Variants in FEZ1 observed in about 807,000 individuals in gnomAD.
FEZ1 encodes the protein fasciculation and elongation protein zeta 1.
FEZ1 carries 20 observed loss-of-function variants against 49.3 expected under a neutral mutation model. That is an observed-to-expected ratio of 0.41 (90% CI 0.29 to 0.59). The LOEUF is 0.59. Among genes scored for constraint, FEZ1 ranks in the 20% least tolerant of loss-of-function variants. FEZ1 has a pLI of 0.36. For missense variants in FEZ1, 413 were observed against 476.0 expected, an observed-to-expected ratio of 0.87 and a Z score of 1.23; for synonymous variants, 170 against 180.9, an observed-to-expected ratio of 0.94 and a Z score of 0.48.
At chr11:125,475,324 C>T (rs1477085522) in intron 3 of FEZ1, among the ~76,000 whole-genome samples, 3 of 148,570 alleles carry the variant, frequency 2.0e-5, no homozygotes, top group East Asian at 4.1e-4. Context: ...TGTAAATAAT[C>T]ACTTGAAAAG....
intron 5 of FEZ1, among the ~76,000 whole-genome samples, chr11:125,456,947 G>C (rs947603993): frequency 1.3e-5 from 2 of 152,042 alleles, no homozygotes; most frequent in African/African-American, 4.8e-5. Context: ...ATATTGGAAG[G>C]CTGCGATGTG....
chr11:125,456,128 C>T lies in FEZ1; in HGVS notation c.668-22G>A, dbSNP rs367671383. On this transcript the variant is annotated intron_variant, in intron 5 of 9. Coordinates refer to ENST00000278919, the MANE Select transcript of FEZ1 (RefSeq NM_005103.5). The stretch of plus-strand genomic sequence containing the variant: ...AGCCCTGCAGGGGAAGACCGTCTCC[C>T]GCATAACACCTGCATCCACACCAGA... 33 of 1,556,596 alleles carry T rather than the reference C, an allele frequency of 2.1e-5. No homozygotes were observed. In the Admixed American group the frequency reaches 5.3e-4, roughly 25 times the overall value.
At chr11:125,454,624 T>C (rs1956990030) in intron 6 of FEZ1, among the ~76,000 whole-genome samples, 1 of 152,082 alleles carries the variant, frequency 6.6e-6, no homozygotes, top group Non-Finnish European at 1.5e-5. Context: ...TTTCAAAATG[T>C]ACATGCGGAG....
Position 125,480,293 on chromosome 11 carries a change from G to A in FEZ1, c.411+1241C>T, listed in dbSNP as rs565566610. 7.2e-5 allele frequency among the ~76,000 whole-genome samples: 11 copies of A among 152,242 alleles called. No homozygotes were observed. In the South Asian group the frequency reaches 1.5e-3, roughly 20 times the overall value. On this transcript the variant is annotated intron_variant, in intron 3 of 9. Transcript: ENST00000278919. ...CGGGGAGGGGGTGGTGGGTAAGGCT[G>A]GAGGATCACTTGAGCCCAGGAGGTC... is the stretch of plus-strand genomic sequence containing the variant.
In FEZ1 at chr11:125,489,102, A is replaced by C; in HGVS notation, c.311+365T>G. 1 of 949,614 alleles carries C rather than the reference A, an allele frequency of 1.1e-6. No homozygotes were observed. The highest frequency in any genetic ancestry group is 1.3e-6 in the Non-Finnish European group (1 of 795,480). The allele number at this position is 949,614 out of a possible 1,614,324, so 58.8% of individuals were successfully genotyped here. ...GAAGCAAATTAGTCCAATAACATAG[A>C]TTCATCCATCATGGTTAATTAATTT... On this transcript the variant is annotated intron_variant, in intron 2 of 9. Coordinates refer to ENST00000278919, the MANE Select transcript of FEZ1 (RefSeq NM_005103.5). This position sits in a 1 kb window ranked among gnomAD's most constrained non-coding sequence, Gnocchi z 4.2.
chr11:125,491,523 T>TCTC (rs933248269), intron 1 of FEZ1, among the ~76,000 whole-genome samples: 42 of 151,972 alleles, frequency 2.8e-4, no homozygotes, highest in African/African-American at 1.0e-3. Context: ...ATCATACCCT[T>TCTC]CTCTACACGC....
Position 125,495,643 on chromosome 11 carries a change from T to C in FEZ1, c.-46+478A>G, listed in dbSNP as rs999909893. The C allele has an allele frequency of 1.4e-5, 6 of 439,798 alleles. No individual in the cohort carries two copies. The highest frequency in any genetic ancestry group is 7.6e-5 in the Admixed American group (3 of 39,516). The allele number at this position is 439,798 out of a possible 1,614,324, so 27.2% of individuals were successfully genotyped here. A position where few individuals can be genotyped will look rare whatever the true frequency, so the allele number is the denominator to read the frequency against. ...AAGTTTTTAGGGACAAAGATGATCT[T>C]GGGGCGTTTACGGTGACTGGACCAG... On this transcript the variant is annotated intron_variant, in intron 1 of 9. Coordinates refer to ENST00000278919, the MANE Select transcript of FEZ1 (RefSeq NM_005103.5). The surrounding 1 kb of genome is among the most constrained non-coding windows in gnomAD (Gnocchi z 4.2).
At chr11:125,455,080 A>T (rs1591581849) in intron 6 of FEZ1, among the ~76,000 whole-genome samples, 1 of 151,482 alleles carries the variant, frequency 6.6e-6, no homozygotes, top group Non-Finnish European at 1.5e-5. Context: ...AAACCCAAAA[A>T]TAGAACAATA....
chr11:125,479,168 T>C (rs1441229096), intron 3 of FEZ1, among the ~76,000 whole-genome samples: 1 of 152,216 alleles, frequency 6.6e-6, no homozygotes, highest in Non-Finnish European at 1.5e-5. Context: ...CAATGAAGCC[T>C]TGAGGTTTTG....
intron 9 of FEZ1, among the ~76,000 whole-genome samples, chr11:125,446,628 G>A (rs28593289): frequency 0.15 from 21,442 of 145,838 alleles, 1,630 homozygotes; most frequent in East Asian, 0.29. Flanking sequence ...AACCCTTTCT[G>A]TGGTTTTTTG....
chr11:125,461,898 T>A (rs1957078697), intron 4 of FEZ1, among the ~76,000 whole-genome samples: 2 of 152,324 alleles, frequency 1.3e-5, no homozygotes, highest in Middle Eastern at 3.4e-3. Context: ...AAATACCCAG[T>A]CTTTGACTAC....
At chr11:125,482,974 TAAAAAA>T (rs56169482) in intron 2 of FEZ1, among the ~76,000 whole-genome samples, 181 of 28,760 alleles carry the variant, frequency 6.3e-3, no homozygotes, top group African/African-American at 0.024. Flanking sequence ...CAAGACACTG[TAAAAAA>T]AAAAAAAAAA....
At chr11:125,463,396 C>T (rs952887748) in intron 4 of FEZ1, 88 bp downstream of exon 4, 53 of 772,490 alleles carry the variant, frequency 6.9e-5, no homozygotes, top group Middle Eastern at 4.7e-4. Flanking sequence ...TTTCTTCTGC[C>T]TTAAATGGAT....
chr11:125,489,424 G>A lies in FEZ1; in HGVS notation c.311+43C>T, dbSNP rs771117151. 30 of 1,564,650 alleles carry A rather than the reference G, an allele frequency of 1.9e-5. No homozygotes were observed. The South Asian group carries it at 3.6e-4, about 19-fold the overall frequency. On this transcript the variant is annotated intron_variant, in intron 2 of 9. Transcript: ENST00000278919. The surrounding 1 kb of genome is among the most constrained non-coding windows in gnomAD (Gnocchi z 4.2). ...CTATGTCAAGGAGACAAGGACTACA[G>A]GGCTCTCGACTGAAGCAGGAGAGGG...
rs750345771 is a variant in FEZ1 at position 125,460,556 on chromosome 11, G to A, written c.609C>T (p.Val203=). The A allele has an allele frequency of 1.2e-6, 2 of 1,614,118 alleles. No homozygotes were observed. The highest frequency in any genetic ancestry group is 2.2e-5 in the South Asian group (2 of 91,076). Residue 203 remains valine, a synonymous_variant, in exon 5 of 10, where the codon GTC becomes GTT. Coordinates refer to ENST00000278919, the MANE Select transcript of FEZ1 (RefSeq NM_005103.5). ...TCAATGCCTGCATCTCCTGCAGGAG[G>A]ACCGAGTCTGCCTGGGAGGAAGTTT... ...GGETSSQADS[V]LLQEMQALTQ...
intron 3 of FEZ1, among the ~76,000 whole-genome samples, chr11:125,477,005 G>A (rs1357316921): frequency 1.3e-5 from 2 of 152,060 alleles, no homozygotes; most frequent in African/African-American, 2.4e-5. Context: ...CTGATCTAGC[G>A]AATGACCAGA....
chr11:125,464,675 C>T (rs533213347), intron 3 of FEZ1, among the ~76,000 whole-genome samples: 43 of 152,286 alleles, frequency 2.8e-4, no homozygotes, highest in Non-Finnish European at 4.7e-4. Flanking sequence ...CCTAACAGAG[C>T]ACATCACCTT....
chr11:125,448,576 G>A lies in FEZ1; in HGVS notation c.1097-9C>T. 1 of 1,597,206 alleles carries A rather than the reference G, an allele frequency of 6.3e-7. No individual in the cohort carries two copies. ...CTTCATGGCAAAGAGAACTAGGAAA[G>A]GAGACAGAGAGAGGAACTAAGATAC... On this transcript the variant is annotated splice_polypyrimidine_tract_variant and intron_variant, in intron 8 of 9. Transcript: ENST00000278919.
At position 125,489,702 on chromosome 11, in the gene FEZ1, T is replaced by C; in HGVS notation, c.76A>G (p.Lys26Glu). ...RPSCSEDPEE[K>E]PQCFYGSSPH... Reference sequence around the variant, plus strand: ...GATGAACCATAGAAACACTGGGGCTTCTCCTCCGGGTCCTCCGAGCAGGAG... The same window carrying C: ...GATGAACCATAGAAACACTGGGGCTCCTCCTCCGGGTCCTCCGAGCAGGAG... Residue 26 changes from lysine to glutamate, a missense_variant, in exon 2 of 10, where the codon AAG becomes GAG. Coordinates refer to ENST00000278919, the MANE Select transcript of FEZ1 (RefSeq NM_005103.5). This position sits in a 1 kb window ranked among gnomAD's most constrained non-coding sequence, Gnocchi z 4.2. 1.2e-6 allele frequency: 2 copies of C among 1,612,494 alleles called. No homozygotes were observed. Among genetic ancestry groups the C allele is most frequent in the South Asian group, 2.2e-5 (2 of 90,842 alleles).
Sources: allele counts gnomAD v4.1 joint callset (sites outside exome capture counted in the v4.1 genomes callset), GRCh38; gene constraint gnomAD v4.1.1; non-coding constraint Gnocchi (gnomAD v3.1); transcripts MANE v1.5; gene names NCBI Gene and HGNC (gene_info 2026-07-23, HGNC 2026-07-21).